Variants in NUP98 observed in about 807,000 individuals in gnomAD.
NUP98 encodes the protein nuclear pore complex protein Nup98-Nup96.
NUP98 carries 26 observed loss-of-function variants against 191.9 expected under a neutral mutation model. That is an observed-to-expected ratio of 0.14 (90% CI 0.10 to 0.19). NUP98 has a LOEUF of 0.19. NUP98 is among the 10% of genes least tolerant of loss of function. The probability of loss-of-function intolerance (pLI) is 1.00; values close to 1 mark genes in which losing one functional copy is unlikely to be tolerated. For synonymous variants in NUP98, 808 were observed against 778.4 expected, an observed-to-expected ratio of 1.04 and a Z score of -0.63; for missense variants, 1,941 against 2,178.8, an observed-to-expected ratio of 0.89 and a Z score of 2.17.
At chr11:3,757,177 C>T (rs1015545044) in intron 10 of NUP98, among the ~76,000 whole-genome samples, 1 of 150,958 alleles carries the variant, frequency 6.6e-6, no homozygotes, top group Non-Finnish European at 1.5e-5. Flanking sequence ...CCTATACAAA[C>T]ACCCTTATAG....
At chr11:3,709,151 A>C (rs2078956169) in intron 20 of NUP98, among the ~76,000 whole-genome samples, 1 of 151,920 alleles carries the variant, frequency 6.6e-6, no homozygotes, top group South Asian at 2.1e-4. Flanking sequence ...GGTCAAACAG[A>C]TATTTAAATA....
intron 7 of NUP98, among the ~76,000 whole-genome samples, chr11:3,769,597 A>AG (rs2081453075): frequency 6.9e-6 from 1 of 145,778 alleles, no homozygotes; most frequent in African/African-American, 2.6e-5. Flanking sequence ...AAAAAAAAAA[A>AG]GCATACTAAA....
At chr11:3,737,593 C>T (rs771060303) in intron 12 of NUP98, among the ~76,000 whole-genome samples, 1 of 152,166 alleles carries the variant, frequency 6.6e-6, no homozygotes, top group Non-Finnish European at 1.5e-5. Context: ...TGCCACTTCA[C>T]TCTAGCCTAG....
In NUP98 at chr11:3,731,051, A is replaced by T. The variant is rs111340823; in HGVS notation, c.1730+340T>A. On this transcript the variant is annotated intron_variant, in intron 14 of 32. Coordinates refer to ENST00000324932, the MANE Select transcript of NUP98 (RefSeq NM_016320.5). ...GGAGGCCAGGCGGCAGATCATATGC[A>T]GTCAGGGGTTCAAGACCAGCCTGGC... is the stretch of plus-strand genomic sequence containing the variant. Among the ~76,000 whole-genome samples the T allele has an allele frequency of 3.8e-3, 580 of 152,234 alleles. 4 individuals are homozygous for T. Among genetic ancestry groups the T allele is most frequent in the Non-Finnish European group, 5.3e-3 (360 of 68,006 alleles).
At chr11:3,777,652 A>C (rs913469067) in intron 4 of NUP98, among the ~76,000 whole-genome samples, 6 of 151,462 alleles carry the variant, frequency 4.0e-5, no homozygotes, top group African/African-American at 1.5e-4. Flanking sequence ...GAAGTTATAC[A>C]TATGGTGCCA....
chr11:3,757,466 G>GACAGGAT (rs1216935794), intron 10 of NUP98, among the ~76,000 whole-genome samples: 1 of 151,568 alleles, frequency 6.6e-6, no homozygotes, highest in Non-Finnish European at 1.5e-5. Flanking sequence ...GAGCCTGGGA[G>GACAGGAT]ACAGAGATCC....
At position 3,690,123 on chromosome 11, in the gene NUP98, C is replaced by T. The variant is rs538743209; in HGVS notation, c.4454+1224G>A. On this transcript the variant is annotated intron_variant, in intron 28 of 32. Coordinates refer to ENST00000324932, the MANE Select transcript of NUP98 (RefSeq NM_016320.5). ...CCTACCACAACACCCAGCTAATTTT[C>T]GTATTTTTAGTAGAGATGGGGTTTC... Among the ~76,000 whole-genome samples the T allele has an allele frequency of 2.0e-5, 3 of 151,054 alleles. No individual in the cohort carries two copies. In the South Asian group the frequency reaches 6.3e-4, roughly 32 times the overall value.
intron 12 of NUP98, 132 bp downstream of exon 12, chr11:3,744,377 A>G: frequency 1.1e-6 from 1 of 872,946 alleles, no homozygotes; most frequent in Non-Finnish European, 1.7e-6. Context: ...GCCCTTCTTT[A>G]CTACCCAATT....
At chr11:3,755,303 A>T (rs1300079103) in intron 10 of NUP98, among the ~76,000 whole-genome samples, 2 of 151,650 alleles carry the variant, frequency 1.3e-5, no homozygotes, top group Admixed American at 6.6e-5. Context: ...ACCACGAAAA[A>T]AAAAAAAAAA....
intron 12 of NUP98, among the ~76,000 whole-genome samples, chr11:3,742,771 C>T (rs569080637): frequency 6.6e-6 from 1 of 151,184 alleles, no homozygotes; most frequent in African/African-American, 2.4e-5. Context: ...TACTAATATC[C>T]TCATCTGACA....
At chr11:3,761,123 TAGAG>T (rs2081152080) in intron 9 of NUP98, among the ~76,000 whole-genome samples, 1 of 152,148 alleles carries the variant, frequency 6.6e-6, no homozygotes, top group Non-Finnish European at 1.5e-5. Flanking sequence ...GTCAAATCCA[TAGAG>T]AGAAAGTAGG....
chr11:3,780,541 C>CAAA (rs142060672), intron 2 of NUP98, among the ~76,000 whole-genome samples: 30 of 74,786 alleles, frequency 4.0e-4, no homozygotes, highest in East Asian at 7.2e-4. Flanking sequence ...GACTCCATCT[C>CAAA]AAAAAAAAAA....
At chr11:3,794,090 G>A (rs1300103977) in intron 1 of NUP98, among the ~76,000 whole-genome samples, 2 of 152,188 alleles carry the variant, frequency 1.3e-5, no homozygotes, top group South Asian at 2.1e-4. Flanking sequence ...CAGAGGATGT[G>A]TTATGGGTAT....
At chr11:3,695,739 A>G (rs2078482146) in intron 25 of NUP98, 133 bp from the exon 26 acceptor site, 1 of 616,714 alleles carries the variant, frequency 1.6e-6, no homozygotes, top group Non-Finnish European at 2.5e-6. Flanking sequence ...TTTCTGCAGT[A>G]GTGCCAAAAT....
chr11:3,722,035 A>G (rs1218069887), intron 16 of NUP98, among the ~76,000 whole-genome samples: 1 of 152,110 alleles, frequency 6.6e-6, no homozygotes, highest in Non-Finnish European at 1.5e-5. Context: ...TTCCTATTAA[A>G]AAGATATATA....
intron 30 of NUP98, chr11:3,679,913 A>T (rs905153078): frequency 5.2e-6 from 3 of 582,436 alleles, no homozygotes; most frequent in African/African-American, 3.7e-5. Context: ...AAAATCACAA[A>T]TTTTTTGGTT....
chr11:3,714,482 A>T (rs2079114216), intron 18 of NUP98, among the ~76,000 whole-genome samples: 1 of 152,218 alleles, frequency 6.6e-6, no homozygotes, highest in African/African-American at 2.4e-5. Flanking sequence ...ACCAGAGTTC[A>T]AGTGTTGTAT....
rs574816034 is a variant in NUP98, at chr11:3,704,976, C to G, written c.3082+224G>C. Among the ~76,000 whole-genome samples the G allele has an allele frequency of 3.9e-5, 6 of 152,328 alleles. No homozygotes were observed. In the East Asian group the frequency reaches 7.7e-4, roughly 20 times the overall value. On this transcript the variant is annotated intron_variant, in intron 22 of 32. Transcript: ENST00000324932. Reference sequence around the variant, plus strand: ...GTAAGTGCGACTGCATAACTGCACTCCAGTCTGTGCAACAGAGAGAGACCC... The same window carrying G: ...GTAAGTGCGACTGCATAACTGCACTGCAGTCTGTGCAACAGAGAGAGACCC...
intron 13 of NUP98, among the ~76,000 whole-genome samples, chr11:3,734,954 C>G (rs980900367): frequency 6.6e-6 from 1 of 152,180 alleles, no homozygotes; most frequent in Non-Finnish European, 1.5e-5. Context: ...TGCCTTATTT[C>G]AGGACTGTTG....
Sources: allele counts gnomAD v4.1 joint callset (sites outside exome capture counted in the v4.1 genomes callset), GRCh38; gene constraint gnomAD v4.1.1; transcripts MANE v1.5; gene names NCBI Gene and HGNC (gene_info 2026-07-23, HGNC 2026-07-21).